Variants in PKNOX2 observed in about 807,000 individuals in gnomAD.
PKNOX2 encodes PBX/knotted 1 homeobox 2.
In PKNOX2, 14 loss-of-function variants were observed where a neutral mutation model predicts 53.1. The observed-to-expected ratio is 0.26, with a 90% CI of 0.17 to 0.41. The LOEUF (loss-of-function observed/expected upper bound fraction) is 0.41, where lower values mean the gene tolerates loss of function less well. Ranked by LOEUF, PKNOX2 falls within the 10% of genes least tolerant of loss-of-function variation. The pLI is 1.00. For synonymous variants in PKNOX2, 257 were observed against 242.8 expected (o/e 1.06, Z -0.54); for missense variants, 496 against 602.8 (o/e 0.82, Z 1.85).
rs113935103 is a variant in PKNOX2 at position 125,371,600 on chromosome 11, T to G, written c.227+3615T>G. ...GAGTGGGTTCCCATGGAAACCATGG[T>G]GTCCTGAGGAGCGGAAGAGGGGCAG... On this transcript the variant is annotated intron_variant, in intron 5 of 12. Coordinates refer to ENST00000298282, the MANE Select transcript of PKNOX2 (RefSeq NM_001382323.2). 8.8e-3 allele frequency among the ~76,000 whole-genome samples: 1,332 copies of G among 152,084 alleles called. 27 individuals are homozygous for G. The highest frequency in any genetic ancestry group is 0.03 in the African/African-American group (1,264 of 41,494).
Position 125,189,490 on chromosome 11 carries a change from T to TAC in PKNOX2, c.-201+24716_-201+24717dup, listed in dbSNP as rs1565465176. On this transcript the variant is annotated intron_variant, in intron 1 of 12. Transcript: ENST00000298282. ...ATATATATATATATATATATATATA[T>TAC]ACAAAAGCAAGGAGAGAGGGGTAGC... 1.8e-4 allele frequency among the ~76,000 whole-genome samples: 21 copies of TAC among 113,834 alleles called. 1 individual carries two copies. The highest frequency in any genetic ancestry group is 2.7e-4 in the Admixed American group (3 of 10,932). The allele number at this position is 113,834 out of a possible 152,430, so 74.7% of individuals were successfully genotyped here.
intron 3 of PKNOX2, among the ~76,000 whole-genome samples, chr11:125,338,415 G>A (rs888887267): frequency 5.9e-5 from 9 of 152,070 alleles, no homozygotes; most frequent in African/African-American, 1.9e-4. Context: ...AGAAAGCTCC[G>A]AGGGGGGCTG....
chr11:125,247,278 A>G (rs1943636680), intron 2 of PKNOX2, among the ~76,000 whole-genome samples: 1 of 152,124 alleles, frequency 6.6e-6, no homozygotes, highest in African/African-American at 2.4e-5. Flanking sequence ...CCTGGTTGGA[A>G]CCCAGTTTCC....
intron 4 of PKNOX2, among the ~76,000 whole-genome samples, chr11:125,363,062 G>A (rs1031262329): frequency 6.6e-6 from 1 of 152,214 alleles, no homozygotes; most frequent in Non-Finnish European, 1.5e-5. Context: ...GAAGTCCAGT[G>A]GCTATAGCAT....
At chr11:125,366,792 A>G (rs1446722892) in intron 4 of PKNOX2, among the ~76,000 whole-genome samples, 1 of 152,236 alleles carries the variant, frequency 6.6e-6, no homozygotes, top group East Asian at 1.9e-4. Context: ...CTTTGCAACT[A>G]TAAAATATCT....
chr11:125,235,784 G>C (rs1305062697), intron 2 of PKNOX2, among the ~76,000 whole-genome samples: 4 of 152,166 alleles, frequency 2.6e-5, no homozygotes, highest in Non-Finnish European at 5.9e-5. Flanking sequence ...GCCCCTGCCT[G>C]TGTCCCCTGC....
chr11:125,228,714 G>T (rs146441255), intron 1 of PKNOX2, among the ~76,000 whole-genome samples: 1 of 152,174 alleles, frequency 6.6e-6, no homozygotes, highest in African/African-American at 2.4e-5. Context: ...CCCTCGGTTG[G>T]TATTCCATTA....
rs145782113 is a variant in PKNOX2, at chr11:125,235,702, G to C, written c.-130+587G>C. Among the ~76,000 whole-genome samples, 12 of 152,284 alleles carry C rather than the reference G, an allele frequency of 7.9e-5. No homozygotes were observed. The East Asian group carries it at 2.3e-3, about 29-fold the overall frequency. Reference sequence around the variant, plus strand: ...CGGCCTAAGTCCAGCCTCCTCTGCAGAGCCTTCCTAGGTAACGCCAGCTGG... The same window carrying C: ...CGGCCTAAGTCCAGCCTCCTCTGCACAGCCTTCCTAGGTAACGCCAGCTGG... On this transcript the variant is annotated intron_variant, in intron 2 of 12. Coordinates refer to ENST00000298282, the MANE Select transcript of PKNOX2 (RefSeq NM_001382323.2).
chr11:125,296,500 C>G (rs1947666002), intron 2 of PKNOX2, among the ~76,000 whole-genome samples: 1 of 152,202 alleles, frequency 6.6e-6, no homozygotes, highest in Admixed American at 6.5e-5. Flanking sequence ...ATCAAGGTCA[C>G]CTGACGACTA....
At chr11:125,222,696 A>ATG (rs930186315) in intron 1 of PKNOX2, among the ~76,000 whole-genome samples, 14 of 108,902 alleles carry the variant, frequency 1.3e-4, no homozygotes, top group African/African-American at 3.7e-4. Flanking sequence ...ATGTGTGTGT[A>ATG]TGTGTGTGTG....
intron 4 of PKNOX2, among the ~76,000 whole-genome samples, chr11:125,355,283 A>G (rs1033214908): frequency 2.0e-5 from 3 of 151,454 alleles, no homozygotes; most frequent in Non-Finnish European, 4.4e-5. Flanking sequence ...AAAAGAAAAA[A>G]AAAAAAAAAA....
At chr11:125,397,502 G>T (rs11220048) in intron 6 of PKNOX2, among the ~76,000 whole-genome samples, 12,519 of 152,242 alleles carry the variant, frequency 0.082, 628 homozygotes, top group Non-Finnish European at 0.11. Flanking sequence ...AGCCACTAAG[G>T]CACAGAGAGC....
At chr11:125,359,364 A>T (rs550094464) in intron 4 of PKNOX2, among the ~76,000 whole-genome samples, 1 of 151,968 alleles carries the variant, frequency 6.6e-6, no homozygotes, top group South Asian at 2.1e-4. Flanking sequence ...CCTTGCTTTG[A>T]CTCATCAAAA....
intron 6 of PKNOX2, among the ~76,000 whole-genome samples, chr11:125,396,526 CT>C (rs1224656360): frequency 6.7e-6 from 1 of 149,178 alleles, no homozygotes; most frequent in East Asian, 2.0e-4. Flanking sequence ...ACGTTCATAG[CT>C]TTTTTTCCTG....
rs377372027 is a variant in PKNOX2 at position 125,243,823 on chromosome 11, T to C, written c.-130+8708T>C. 1.8e-3 allele frequency among the ~76,000 whole-genome samples: 268 copies of C among 152,138 alleles called. 1 individual carries two copies. Among genetic ancestry groups the C allele is most frequent in the African/African-American group, 5.9e-3 (243 of 41,536 alleles). ...ATTTTTAGTAGAGACGGGGTTTCAC[T>C]GTGTTAGACAGGATGGTCTCGATCT... On this transcript the variant is annotated intron_variant, in intron 2 of 12. Transcript: ENST00000298282.
chr11:125,321,376 G>A (rs952420176), intron 2 of PKNOX2, among the ~76,000 whole-genome samples: 1 of 152,166 alleles, frequency 6.6e-6, no homozygotes, highest in Non-Finnish European at 1.5e-5. Flanking sequence ...ATAAAATGGT[G>A]TAGTATTTGC....
intron 2 of PKNOX2, among the ~76,000 whole-genome samples, chr11:125,317,404 T>C (rs1949263796): frequency 6.6e-6 from 1 of 152,266 alleles, no homozygotes; most frequent in Admixed American, 6.5e-5. Context: ...GAGGAATTGC[T>C]ATCTATGGCA....
rs540432495 is a variant in PKNOX2, at chr11:125,356,036, C to A, written c.87+4644C>A. 3.3e-4 allele frequency among the ~76,000 whole-genome samples: 49 copies of A among 148,516 alleles called. No homozygotes were observed. The South Asian group carries it at 5.0e-3, about 15-fold the overall frequency. ...CACACTCTCACTATCAGCACCCCCC[C>A]CCCCACAACTTTTCCTCAAACACAG... On this transcript the variant is annotated intron_variant, in intron 4 of 12. Coordinates refer to ENST00000298282, the MANE Select transcript of PKNOX2 (RefSeq NM_001382323.2).
At chr11:125,341,311 G>A (rs773564540) in intron 3 of PKNOX2, among the ~76,000 whole-genome samples, 4 of 150,820 alleles carry the variant, frequency 2.7e-5, no homozygotes, top group Non-Finnish European at 5.9e-5. Context: ...AGCCGAGATC[G>A]TGCCACTGCA....
Sources: allele counts gnomAD v4.1 joint callset (sites outside exome capture counted in the v4.1 genomes callset), GRCh38; gene constraint gnomAD v4.1.1; transcripts MANE v1.5; gene names NCBI Gene and HGNC (gene_info 2026-07-23, HGNC 2026-07-21).